Variants in GSE1 observed in about 807,000 individuals in gnomAD.
GSE1 encodes Gse1 coiled-coil protein.
GSE1 carries 32 observed loss-of-function variants against 112.6 expected under a neutral mutation model. The observed-to-expected ratio is 0.28, with a 90% confidence interval of 0.21 to 0.38. The LOEUF (loss-of-function observed/expected upper bound fraction) is 0.38, where lower values mean the gene tolerates loss of function less well. Among genes scored for constraint, GSE1 ranks in the 10% least tolerant of loss-of-function variants. The pLI, the probability that GSE1 is intolerant of heterozygous loss-of-function variation, is 1.00. For synonymous variants in GSE1, 1,115 were observed against 735.6 expected, an observed-to-expected ratio of 1.52 and a Z score of -8.35; for missense variants, 2,348 against 1,699.2, an observed-to-expected ratio of 1.38 and a Z score of -6.71.
At chr16:85,565,628 T>C (rs190421261) in intron 1 of GSE1, among the ~76,000 whole-genome samples, 1 of 152,280 alleles carries the variant, frequency 6.6e-6, no homozygotes, top group East Asian at 1.9e-4. Context: ...CCAAGGCTGT[T>C]TCCTGTGGAG....
intron 1 of GSE1, among the ~76,000 whole-genome samples, chr16:85,566,190 C>T (rs769681035): frequency 9.9e-5 from 15 of 152,184 alleles, no homozygotes; most frequent in Non-Finnish European, 1.9e-4. Flanking sequence ...CCCAGCTGCA[C>T]GCCGTCCATA....
At chr16:85,404,256 C>G (rs1387607138) in intron 2 of GSE1, among the ~76,000 whole-genome samples, 1 of 94,286 alleles carries the variant, frequency 1.1e-5, no homozygotes, top group African/African-American at 4.7e-5. Context: ...CTCACTGTTA[C>G]ACTCAGGGCT....
At chr16:85,290,483 C>T (rs2045176670) in intron 1 of GSE1, among the ~76,000 whole-genome samples, 1 of 152,270 alleles carries the variant, frequency 6.6e-6, no homozygotes, top group South Asian at 2.1e-4. Flanking sequence ...ATGCCTTAAA[C>T]CCTCCGTCAC....
chr16:85,432,858 G>A (rs6564121), intron 2 of GSE1, among the ~76,000 whole-genome samples: 81,759 of 151,818 alleles, frequency 0.54, 24,711 homozygotes, highest in Non-Finnish European at 0.68. Context: ...TCTGGTTGGG[G>A]ATTTTTGCCT....
At chr16:85,639,495 GCGCCAGGC>G (rs2050267706) in intron 2 of GSE1, among the ~76,000 whole-genome samples, 1 of 92,294 alleles carries the variant, frequency 1.1e-5, no homozygotes, top group African/African-American at 3.6e-5. Flanking sequence ...AGCCTCCTGG[GCGCCAGGC>G]CTAGCCTGCC....
At chr16:85,208,279 A>C (rs2075155314) in intron 1 of GSE1, among the ~76,000 whole-genome samples, 1 of 152,064 alleles carries the variant, frequency 6.6e-6, no homozygotes, top group Non-Finnish European at 1.5e-5. Context: ...CTGGGGATGC[A>C]CTCCGCCACG....
chr16:85,655,243 G>A (rs1385929870), intron 5 of GSE1, among the ~76,000 whole-genome samples: 1 of 152,214 alleles, frequency 6.6e-6, no homozygotes, highest in African/African-American at 2.4e-5. Flanking sequence ...TCACCGGGGG[G>A]TCCATTGACA....
At chr16:85,249,792 C>T (rs1906262702) in intron 1 of GSE1, among the ~76,000 whole-genome samples, 1 of 152,242 alleles carries the variant, frequency 6.6e-6, no homozygotes, top group Admixed American at 6.5e-5. Flanking sequence ...GCCCAAGTGG[C>T]ACAGGGTCAG....
At chr16:85,577,342 G>A (rs1457874130) in intron 1 of GSE1, among the ~76,000 whole-genome samples, 1 of 152,204 alleles carries the variant, frequency 6.6e-6, no homozygotes, top group East Asian at 1.9e-4. Flanking sequence ...GTGCATTCGG[G>A]GCACTTGGGT....
intron 2 of GSE1, among the ~76,000 whole-genome samples, chr16:85,448,218 TGCCCAGGAGCTCTGGAA>T (rs1255780554): frequency 4.6e-5 from 7 of 152,202 alleles, no homozygotes; most frequent in African/African-American, 1.7e-4. Flanking sequence ...GTGTTCCAGC[TGCCCAGGAGCTCTGGAA>T]ACATACCTGG....
At chr16:85,308,831 G>A (rs1033965691) in intron 1 of GSE1, among the ~76,000 whole-genome samples, 1 of 149,302 alleles carries the variant, frequency 6.7e-6, no homozygotes, top group Admixed American at 6.7e-5. Flanking sequence ...ATCCAATTTT[G>A]CCACTACCAT....
chr16:85,344,119 C>T (rs1280933026), intron 1 of GSE1, among the ~76,000 whole-genome samples: 2 of 152,264 alleles, frequency 1.3e-5, no homozygotes, highest in East Asian at 1.9e-4. Flanking sequence ...TCTGGGGGTG[C>T]GGATCTGCAA....
In GSE1 at chr16:85,569,250, T is replaced by C. The variant is rs553001029; in HGVS notation, c.37+12887T>C. ...GCTGAGCCCAGGTGTCTGGGAACGG[T>C]CAGTGCTCACTCCTGTTAGGAGTGG... On this transcript the variant is annotated intron_variant, in intron 1 of 2. Coordinates refer to the GSE1 transcript ENST00000635906. Among the ~76,000 whole-genome samples the C allele has an allele frequency of 1.5e-3, 224 of 152,298 alleles. 1 individual carries two copies. The highest frequency in any genetic ancestry group is 5.1e-3 in the African/African-American group (213 of 41,554).
At chr16:85,446,863 C>T (rs1009609855) in intron 2 of GSE1, among the ~76,000 whole-genome samples, 6 of 152,136 alleles carry the variant, frequency 3.9e-5, no homozygotes, top group African/African-American at 1.4e-4. Flanking sequence ...GGCCCGCAAC[C>T]CCGCTCCCGC....
At chr16:85,440,757 G>A (rs1235830575) in intron 2 of GSE1, among the ~76,000 whole-genome samples, 3 of 152,238 alleles carry the variant, frequency 2.0e-5, no homozygotes, top group African/African-American at 4.8e-5. Context: ...GAATATGCCC[G>A]TGGAGGTGGG....
intron 1 of GSE1, among the ~76,000 whole-genome samples, chr16:85,252,359 T>C (rs1287096368): frequency 6.6e-6 from 1 of 151,892 alleles, no homozygotes; most frequent in Non-Finnish European, 1.5e-5. Context: ...CACAAAGTTC[T>C]GGAATCTTCC....
At chr16:85,499,209 A>G (rs1057191857) in intron 2 of GSE1, among the ~76,000 whole-genome samples, 2 of 151,328 alleles carry the variant, frequency 1.3e-5, no homozygotes, top group African/African-American at 4.9e-5. Context: ...AGTGAAGCTC[A>G]TAGGATCTGC....
intron 4 of GSE1, 97 bp downstream of exon 4, chr16:85,654,547 G>T: frequency 9.4e-7 from 1 of 1,058,254 alleles, no homozygotes; most frequent in Non-Finnish European, 1.4e-6. Flanking sequence ...CACAGATGAG[G>T]CTGTGCCTGC....
In GSE1 at chr16:85,220,320, C is replaced by T. The variant is rs149509832; in HGVS notation, c.2283+48513C>T. Among the ~76,000 whole-genome samples, 75 of 152,324 alleles carry T rather than the reference C, an allele frequency of 4.9e-4. No homozygotes were observed. In the East Asian group the frequency reaches 0.014, roughly 28 times the overall value. ...GTTTCCCTGCTCCTGGAGGAATTAC[C>T]GGACCACATGTTGCCAGGAGCCTTG... On this transcript the variant is annotated intron_variant, in intron 1 of 2. Transcript: ENST00000637419.
Sources: gnomAD v4.1 joint callset for allele counts (sites outside exome capture counted in the v4.1 genomes callset) on GRCh38, gnomAD v4.1.1 for gene constraint, MANE v1.5 for transcripts, NCBI Gene and HGNC (gene_info 2026-07-23, HGNC 2026-07-21) for gene names.